REXO2: variants seen among roughly 807,000 people sequenced by gnomAD.
The protein encoded by REXO2 is RNA exonuclease 2.
REXO2 carries 17 observed loss-of-function variants against 30.9 expected under a neutral mutation model. The ratio of observed to expected loss-of-function variants is 0.55; its 90% CI spans 0.38 to 0.82. The LOEUF is 0.82. Ranked by LOEUF, REXO2 falls within the 40% of genes least tolerant of loss-of-function variation. REXO2 has a pLI of 0.00. For synonymous variants in REXO2, 105 were observed against 99.6 expected, an observed-to-expected ratio of 1.05 and a Z score of -0.32; for missense variants, 253 against 293.2, an observed-to-expected ratio of 0.86 and a Z score of 1.00.
chr11:114,440,575 G>A, intron 1 of REXO2, 81 bp from the exon 2 acceptor site: 1 of 1,045,426 alleles, frequency 9.6e-7, no homozygotes. Context: ...TATGTTTGAG[G>A]GAATTCCTGT....
In REXO2 at chr11:114,440,638, A is replaced by G. The variant is rs1488957547; in HGVS notation, c.148-18A>G. 1 of 1,584,926 alleles carries G rather than the reference A, an allele frequency of 6.3e-7. No homozygotes were observed. Among genetic ancestry groups the G allele is most frequent in the Non-Finnish European group, 8.7e-7 (1 of 1,155,222 alleles). Reference sequence around the variant, plus strand: ...AATGATGGCTTTGTGTGTGTTATATATTTATTTTTAATTGCAGATGACAGG... The same window carrying G: ...AATGATGGCTTTGTGTGTGTTATATGTTTATTTTTAATTGCAGATGACAGG... On this transcript the variant is annotated intron_variant, in intron 1 of 6. Coordinates refer to ENST00000265881, the MANE Select transcript of REXO2 (RefSeq NM_015523.4).
chr11:114,444,004 C>G (rs1946496868), intron 3 of REXO2, 71 bp downstream of exon 3: 1 of 1,016,154 alleles, frequency 9.8e-7, no homozygotes, highest in African/African-American at 1.6e-5. Flanking sequence ...ACACCTGAAT[C>G]CGATACCATT....
chr11:114,443,892 C>G lies in REXO2; in HGVS notation c.268C>G (p.Leu90Val). 2 of 1,609,542 alleles carry G rather than the reference C, an allele frequency of 1.2e-6. No homozygotes were observed. The highest frequency in any genetic ancestry group is 1.7e-6 in the Non-Finnish European group (2 of 1,177,960). ...GATTATAAAACAACCAGATGAGTTGCTGGACAGCATGTCAGATTGGTGTAA... is the reference window on the plus strand; with the variant it reads ...GATTATAAAACAACCAGATGAGTTGGTGGACAGCATGTCAGATTGGTGTAA... ...NLIIKQPDEL[L>V]DSMSDWCKEH... Residue 90 changes from leucine (L) to valine (V), a missense_variant, in exon 3 of 7, where the codon CTG becomes GTG. By Grantham distance (32) the Leu-to-Val change is conservative. Coordinates refer to ENST00000265881, the MANE Select transcript of REXO2 (RefSeq NM_015523.4).
intron 5 of REXO2, among the ~76,000 whole-genome samples, chr11:114,446,801 C>A (rs1323985291): frequency 2.0e-5 from 3 of 152,132 alleles, no homozygotes; most frequent in Non-Finnish European, 4.4e-5. Context: ...GCTTGCACAC[C>A]ATGCCAGTGA....
At chr11:114,449,408 A>G (rs1334910996) in intron 6 of REXO2, among the ~76,000 whole-genome samples, 3 of 147,872 alleles carry the variant, frequency 2.0e-5, no homozygotes, top group African/African-American at 7.7e-5. Flanking sequence ...AAGTTTTAGA[A>G]ATACTAAAAT....
chr11:114,439,578 G>A lies in REXO2; in HGVS notation c.50G>A (p.Ser17Asn), dbSNP rs150728724. The change falls in exon 1 of 7, where the codon AGT (serine) becomes AAT (asparagine). Residue 17 changes from serine (S) to asparagine (N), a missense_variant. Ser to Asn is a conservative substitution (Grantham distance 46). Coordinates refer to ENST00000265881, the MANE Select transcript of REXO2 (RefSeq NM_015523.4). ...GSRLLRGVGG[S>N]HGRFGARGVR... ...AGGCTGTTGCGGGGTGTAGGTGGGA[G>A]TCACGGACGGTTCGGGGCCCGAGGT... is the stretch of plus-strand genomic sequence containing the variant. 1.3e-4 allele frequency: 207 copies of A among 1,609,506 alleles called. No homozygotes were observed. The highest frequency in any genetic ancestry group is 5.3e-4 in the South Asian group (48 of 90,970).
rs191252830 is a variant in REXO2, at chr11:114,444,161, G to A, written c.309+228G>A. The A allele has an allele frequency of 6.5e-4, 409 of 633,072 alleles. 3 individuals are homozygous for A. Among genetic ancestry groups the A allele is most frequent in the South Asian group, 5.8e-3 (383 of 66,128 alleles). The allele number at this position is 633,072 out of a possible 1,614,324, so 39.2% of individuals were successfully genotyped here. A position where few individuals can be genotyped will look rare whatever the true frequency, so the allele number is the denominator to read the frequency against. ...TTTTCTCTCCTACATTCAGTCTGTC[G>A]CGAACGCATTGTGGATTGTCAAGTA... On this transcript the variant is annotated intron_variant, in intron 3 of 6. Coordinates refer to ENST00000265881, the MANE Select transcript of REXO2 (RefSeq NM_015523.4).
At chr11:114,441,736 G>A (rs1464962117) in intron 2 of REXO2, 3 of 702,092 alleles carry the variant, frequency 4.3e-6, no homozygotes. Context: ...TGTTTGTTTT[G>A]CTGTGTAGGT....
chr11:114,442,181 G>C (rs1329928210), intron 2 of REXO2, among the ~76,000 whole-genome samples: 1 of 151,810 alleles, frequency 6.6e-6, no homozygotes, highest in East Asian at 1.9e-4. Flanking sequence ...AAAAGCTTAG[G>C]GGCTATCAGT....
intron 3 of REXO2, 71 bp downstream of exon 3, chr11:114,444,004 C>A: frequency 9.8e-7 from 1 of 1,016,272 alleles, no homozygotes; most frequent in Non-Finnish European, 1.5e-6. Context: ...ACACCTGAAT[C>A]CGATACCATT....
chr11:114,439,932 C>G, intron 1 of REXO2: 1 of 567,330 alleles, frequency 1.8e-6, no homozygotes, highest in South Asian at 2.1e-5. Flanking sequence ...CCCCTCCGCC[C>G]AGATGTGGAC....
In REXO2 at chr11:114,444,115, T is replaced by C. The variant is rs144411288; in HGVS notation, c.309+182T>C. ...ATCTTTGGGACCTCTCGAGATCATC[T>C]TCTCCTGAATGTCCTCTTTTTTTTC... On this transcript the variant is annotated intron_variant, in intron 3 of 6. Coordinates refer to ENST00000265881, the MANE Select transcript of REXO2 (RefSeq NM_015523.4). 2.4e-3 allele frequency: 1,630 copies of C among 669,912 alleles called. 18 individuals are homozygous for C. The African/African-American group carries it at 0.026, about 11-fold the overall frequency. 41.5% of individuals were successfully genotyped at this position (669,912 alleles called of 1,614,324 possible).
chr11:114,444,606 G>C lies in REXO2; in HGVS notation c.375G>C (p.Leu125=). 1.2e-6 allele frequency: 2 copies of C among 1,611,230 alleles called. No individual in the cohort carries two copies. Among genetic ancestry groups the C allele is most frequent in the Non-Finnish European group, 8.5e-7 (1 of 1,179,052 alleles). The change falls in exon 4 of 7, where the codon CTG becomes CTC. Residue 125 remains leucine, a synonymous_variant. Coordinates refer to ENST00000265881, the MANE Select transcript of REXO2 (RefSeq NM_015523.4). The part of the protein sequence containing the change: ...ITLQQAEYEF[L]SFVRQQTPPG... ...TGCAGCAGGCAGAGTATGAATTTCT[G>C]TCCTTTGTACGACAGCAGACTCCTC...
At chr11:114,447,728 A>G (rs1462507532) in intron 5 of REXO2, 98 bp from the exon 6 acceptor site, 1 of 989,260 alleles carries the variant, frequency 1.0e-6, no homozygotes, top group African/African-American at 1.6e-5. Context: ...ATCATGACTC[A>G]AATGCCATTT....
In REXO2 at chr11:114,439,467, G is replaced by A. The variant is rs1946458994; in HGVS notation, c.-62G>A. ...TCCCCGTGGGTTTGCGACGTTTAGC[G>A]ACTATTGCGCCTGCGCCAGCGCCGG... On this transcript the variant is annotated 5_prime_UTR_variant, in exon 1 of 7. Coordinates refer to ENST00000265881, the MANE Select transcript of REXO2 (RefSeq NM_015523.4). The A allele has an allele frequency of 2.5e-6, 4 of 1,582,914 alleles. No individual in the cohort carries two copies. Among genetic ancestry groups the A allele is most frequent in the South Asian group, 2.3e-5 (2 of 88,756 alleles).
intron 2 of REXO2, 64 bp from the exon 3 acceptor site, chr11:114,443,789 GCTT>G (rs1458706132): frequency 6.8e-6 from 8 of 1,180,686 alleles, no homozygotes; most frequent in Admixed American, 2.1e-5. Flanking sequence ...AACAGCTTAA[GCTT>G]TCCCTCTGAA....
At chr11:114,447,353 G>C (rs1046041843) in intron 5 of REXO2, among the ~76,000 whole-genome samples, 4 of 152,218 alleles carry the variant, frequency 2.6e-5, no homozygotes, top group Admixed American at 1.3e-4. Flanking sequence ...GTTCGAATGA[G>C]GTGGTGTGAA....
Position 114,449,870 on chromosome 11 carries a change from C to T in REXO2, c.609C>T (p.Ser203=). 6.2e-7 allele frequency: 1 copy of T among 1,609,552 alleles called. No individual in the cohort carries two copies. Among genetic ancestry groups the T allele is most frequent in the Middle Eastern group, 1.7e-4 (1 of 6,048 alleles). ...SHRALDDISE[S]IKELQFYRNN... ...GGGCACTTGATGACATTAGTGAAAG[C>T]ATCAAAGAGCTTCAGTTTTACCGAA... is the stretch of plus-strand genomic sequence containing the variant. The change falls in exon 7 of 7, where the codon AGC becomes AGT. Residue 203 remains serine (S), a synonymous_variant. Transcript: ENST00000265881.
intron 2 of REXO2, 99 bp from the exon 3 acceptor site, chr11:114,443,757 G>GAT: frequency 1.2e-6 from 1 of 805,470 alleles, no homozygotes; most frequent in Non-Finnish European, 2.0e-6. Flanking sequence ...TACTTTCTCT[G>GAT]ATATGTATAT....
Sources: gnomAD v4.1 joint callset for allele counts (sites outside exome capture counted in the v4.1 genomes callset) on GRCh38, gnomAD v4.1.1 for gene constraint, MANE v1.5 for transcripts, NCBI Gene and HGNC (gene_info 2026-07-23, HGNC 2026-07-21) for gene names.